CHLSN: variants seen among roughly 807,000 people sequenced by gnomAD.
The protein encoded by CHLSN is protein cholesin.
chr7:1,058,474 A>G, the CHLSN span: 1 of 780,158 alleles, frequency 1.3e-6, no homozygotes, highest in Admixed American at 1.7e-5. Context: ...GGGGACCGGC[A>G]CTGCTCCCCG....
At chr7:983,361 G>GC in the CHLSN span, 1 of 1,532,576 alleles carries the variant, frequency 6.5e-7, no homozygotes, top group Non-Finnish European at 8.8e-7. Context: ...TGCGTCTGTC[G>GC]CAACAGGACC....
the CHLSN span, among the ~76,000 whole-genome samples, chr7:1,086,648 A>T: frequency 1.3e-5 from 2 of 151,152 alleles, no homozygotes; most frequent in African/African-American, 4.9e-5. Flanking sequence ...CCACTCTTGC[A>T]CCTGCACCAG....
the CHLSN span, among the ~76,000 whole-genome samples, chr7:1,124,229 T>TG: frequency 1.3e-5 from 2 of 152,036 alleles, no homozygotes; most frequent in Admixed American, 1.3e-4. Flanking sequence ...CTCCCTCACT[T>TG]GGGCAGGAGT....
the CHLSN span, among the ~76,000 whole-genome samples, chr7:1,048,989 C>T: frequency 5.3e-5 from 8 of 152,202 alleles, no homozygotes; most frequent in African/African-American, 1.9e-4. Context: ...AACATAAAAA[C>T]CATAAAACTG....
chr7:982,775 T>C, the CHLSN span, among the ~76,000 whole-genome samples: 1 of 152,084 alleles, frequency 6.6e-6, no homozygotes, highest in South Asian at 2.1e-4. Context: ...AACCCTGAGC[T>C]CCACAGGGTC....
chr7:1,092,092 C>T, the CHLSN span: 9 of 1,613,760 alleles, frequency 5.6e-6, no homozygotes, highest in African/African-American at 4.0e-5. Context: ...CCTGCACGAG[C>T]GGTACTACGA....
the CHLSN span, chr7:1,009,798 G>A: frequency 1.5e-6 from 1 of 678,544 alleles, no homozygotes; most frequent in Non-Finnish European, 2.3e-6. Flanking sequence ...AGACAGAAAG[G>A]GCAGCGGCGG....
At chr7:1,027,359 G>T in the CHLSN span, among the ~76,000 whole-genome samples, 2 of 152,270 alleles carry the variant, frequency 1.3e-5, no homozygotes, top group African/African-American at 4.8e-5. Context: ...AGCCCGGTTC[G>T]CGTGTCCGTG....
the CHLSN span, chr7:1,091,432 G>A: frequency 1.9e-5 from 7 of 376,678 alleles, no homozygotes; most frequent in South Asian, 1.7e-4. Flanking sequence ...GCAGCTCCAC[G>A]CGGGACTGTG....
the CHLSN span, chr7:1,010,113 C>A: frequency 6.2e-3 from 9,951 of 1,612,394 alleles, 49 homozygotes; most frequent in Non-Finnish European, 7.5e-3. Flanking sequence ...TCTGGCTCTG[C>A]GTCCAGCCCG....
the CHLSN span, chr7:997,677 G>A: frequency 8.9e-5 from 144 of 1,610,502 alleles, no homozygotes; most frequent in Non-Finnish European, 1.1e-4. Context: ...CCCCGGCAGG[G>A]GGGGATCAGA....
the CHLSN span, among the ~76,000 whole-genome samples, chr7:1,123,998 C>A: frequency 6.6e-6 from 1 of 152,154 alleles, no homozygotes; most frequent in African/African-American, 2.4e-5. The surrounding 1 kb of genome is among the most constrained non-coding windows in gnomAD (Gnocchi z 4.4). Flanking sequence ...CAACTCCACG[C>A]CAGTGGCCGG....
chr7:1,046,701 G>C, the CHLSN span, among the ~76,000 whole-genome samples: 2 of 150,198 alleles, frequency 1.3e-5, no homozygotes, highest in South Asian at 4.2e-4. Flanking sequence ...TTGAGCAGCA[G>C]AGGGACAAGG....
the CHLSN span, among the ~76,000 whole-genome samples, chr7:1,000,997 G>A: frequency 6.6e-6 from 1 of 152,200 alleles, no homozygotes; most frequent in Non-Finnish European, 1.5e-5. Context: ...GGGCCAGTGG[G>A]CCTGGGGACG....
chr7:1,044,659 G>T, the CHLSN span: 1 of 152,008 alleles, frequency 6.6e-6, no homozygotes, highest in Non-Finnish European at 1.5e-5. Context: ...CAGCAAGCCG[G>T]TGAGTGGGGC....
chr7:1,136,495 TATAA>T, the CHLSN span, among the ~76,000 whole-genome samples: 6 of 108,766 alleles, frequency 5.5e-5, 1 homozygote, highest in South Asian at 2.5e-4. Flanking sequence ...TATATAAACA[TATAA>T]ATATATATAA....
the CHLSN span, among the ~76,000 whole-genome samples, chr7:1,126,516 T>C: frequency 6.6e-6 from 1 of 151,728 alleles, no homozygotes; most frequent in African/African-American, 2.4e-5. Flanking sequence ...CCGGTCTCTA[T>C]CAAATATACA....
the CHLSN span, among the ~76,000 whole-genome samples, chr7:1,111,945 C>T: frequency 1.3e-5 from 2 of 152,226 alleles, no homozygotes; most frequent in East Asian, 3.8e-4. Context: ...CGTCATTTCA[C>T]GGTGGCAGAA....
chr7:981,014 G>T, the CHLSN span, among the ~76,000 whole-genome samples: 1 of 152,036 alleles, frequency 6.6e-6, no homozygotes, highest in Non-Finnish European at 1.5e-5. Context: ...TTTAAAAGAG[G>T]GCTGGGCACT....
Sources: gnomAD v4.1 joint callset for allele counts (sites outside exome capture counted in the v4.1 genomes callset) on GRCh38, gnomAD v4.1.1 for gene constraint, Gnocchi (gnomAD v3.1) non-coding constraint, MANE v1.5 for transcripts, NCBI Gene and HGNC (gene_info 2026-07-23, HGNC 2026-07-21) for gene names.